CCDC92: variants seen among roughly 807,000 people sequenced by gnomAD.
The protein encoded by CCDC92 is coiled-coil domain containing 92, also known as coiled-coil domain-containing protein 92.
CCDC92 carries 12 observed loss-of-function variants against 24.9 expected under a neutral mutation model. The ratio of observed to expected loss-of-function variants is 0.48; its 90% CI spans 0.31 to 0.78. The LOEUF is 0.78. CCDC92 is among the 30% of genes least tolerant of loss of function. CCDC92 has a pLI of 0.05. For synonymous variants in CCDC92, 193 were observed against 196.3 expected (o/e 0.98, Z 0.14); for missense variants, 399 against 439.4 (o/e 0.91, Z 0.82).
intron 1 of CCDC92, among the ~76,000 whole-genome samples, chr12:123,947,051 G>GGCCGGCCCTGCCAGCCCT (rs1213072145): frequency 1.3e-5 from 2 of 152,296 alleles, no homozygotes; most frequent in East Asian, 1.9e-4. Flanking sequence ...GCAGCCAGCG[G>GGCCGGCCCTGCCAGCCCT]GCCGGCCCTG....
intron 1 of CCDC92, chr12:123,970,308 C>G (rs1171624826): frequency 1.3e-5 from 2 of 152,230 alleles, no homozygotes; most frequent in African/African-American, 4.8e-5. Context: ...AGTGGGGAAC[C>G]AGCTGATCCC....
At chr12:123,960,503 A>G (rs982152350) in intron 1 of CCDC92, among the ~76,000 whole-genome samples, 1 of 152,202 alleles carries the variant, frequency 6.6e-6, no homozygotes, top group Non-Finnish European at 1.5e-5. Context: ...AATTTATCTT[A>G]TGAGCCAAGT....
At chr12:123,964,762 T>C (rs1488756757) in intron 1 of CCDC92, among the ~76,000 whole-genome samples, 1 of 152,204 alleles carries the variant, frequency 6.6e-6, no homozygotes, top group Non-Finnish European at 1.5e-5. Context: ...TCTTTATAAA[T>C]TGCTTTTTAA....
At chr12:123,960,467 T>C (rs563550022) in intron 1 of CCDC92, among the ~76,000 whole-genome samples, 1 of 152,352 alleles carries the variant, frequency 6.6e-6, no homozygotes, top group African/African-American at 2.4e-5. Flanking sequence ...CAGTATCTTC[T>C]CTGGTGCAGC....
chr12:123,941,798 A>G (rs954788549), intron 4 of CCDC92, among the ~76,000 whole-genome samples: 4 of 152,088 alleles, frequency 2.6e-5, no homozygotes, highest in African/African-American at 9.7e-5. Context: ...CCTTTTGCCT[A>G]TTTAGGAAAG....
rs1382431831 is a variant in CCDC92 at position 123,972,778 on chromosome 12, C to T, written c.-309G>A. On this transcript the variant is annotated 5_prime_UTR_variant, in exon 1 of 5. Coordinates refer to ENST00000238156, the MANE Select transcript of CCDC92 (RefSeq NM_025140.3). Reference sequence around the variant, plus strand: ...CTGGGAGCGGGGCCGGCGGCGAGGCCTGGCCGCGCTGACCCGGCGGGCTAG... The same window carrying T: ...CTGGGAGCGGGGCCGGCGGCGAGGCTTGGCCGCGCTGACCCGGCGGGCTAG... 6.8e-6 allele frequency: 1 copy of T among 146,042 alleles called. No individual in the cohort carries two copies. The highest frequency in any genetic ancestry group is 2.5e-5 in the African/African-American group (1 of 40,390). 9.0% of individuals were successfully genotyped at this position (146,042 alleles called of 1,614,324 possible).
intron 1 of CCDC92, among the ~76,000 whole-genome samples, chr12:123,954,238 C>G (rs1956098287): frequency 6.6e-6 from 1 of 152,142 alleles, no homozygotes; most frequent in Admixed American, 6.5e-5. Context: ...GTAGTTGTTA[C>G]AAATGTAACA....
chr12:123,956,215 T>C (rs1305911579), intron 1 of CCDC92: 4 of 152,256 alleles, frequency 2.6e-5, no homozygotes, highest in Admixed American at 2.6e-4. Context: ...CATTTATTTA[T>C]TTGGAATAAC....
Position 123,944,284 on chromosome 12 carries a change from T to C in CCDC92, c.22A>G (p.Ser8Gly). Residue 8 changes from serine to glycine, a missense_variant, in exon 2 of 5, where the codon AGT becomes GGT. Physicochemically the swap from Ser to Gly is moderately conservative, Grantham distance 56. Coordinates refer to ENST00000238156, the MANE Select transcript of CCDC92 (RefSeq NM_025140.3). ...CCCCAGACTCTACCTTCATCGTAAC[T>C]CGAGAAATGTGGTGAAGTCATGGGT... MTSPHFS[S>G]YDEGPLDVSM... is the part of the protein sequence containing the mutation. The C allele has an allele frequency of 6.3e-7, 1 of 1,594,322 alleles. No homozygotes were observed. Among genetic ancestry groups the C allele is most frequent in the Non-Finnish European group, 8.5e-7 (1 of 1,170,418 alleles).
chr12:123,948,192 G>A (rs890482749), intron 1 of CCDC92, among the ~76,000 whole-genome samples: 7 of 152,186 alleles, frequency 4.6e-5, no homozygotes, highest in Non-Finnish European at 8.8e-5. Context: ...CGCCATGATG[G>A]CACAAAATGG....
At chr12:123,968,109 T>C (rs1189485773) in intron 1 of CCDC92, 1 of 152,276 alleles carries the variant, frequency 6.6e-6, no homozygotes, top group Non-Finnish European at 1.5e-5. Context: ...GCTTGCTCTA[T>C]TTGGTGCTAA....
intron 1 of CCDC92, chr12:123,962,505 A>G (rs1956293810): frequency 6.6e-6 from 1 of 152,484 alleles, no homozygotes. Context: ...TTAGCTGGAT[A>G]AGGGGCTTGG....
chr12:123,961,771 G>T (rs766423940), intron 1 of CCDC92, among the ~76,000 whole-genome samples: 1 of 152,110 alleles, frequency 6.6e-6, no homozygotes, highest in Non-Finnish European at 1.5e-5. Context: ...GCCATGCTAC[G>T]TACTTGATCA....
intron 1 of CCDC92, among the ~76,000 whole-genome samples, chr12:123,955,668 G>T (rs1956133940): frequency 6.6e-6 from 1 of 152,030 alleles, no homozygotes; most frequent in Non-Finnish European, 1.5e-5. Context: ...TGGTGGGGGG[G>T]AGACAGGGTT....
intron 4 of CCDC92, among the ~76,000 whole-genome samples, chr12:123,942,414 T>C (rs553067893): frequency 1.3e-5 from 2 of 152,354 alleles, no homozygotes; most frequent in South Asian, 2.1e-4. Context: ...ACTCCTCCTT[T>C]TGGGTTTAAC....
In CCDC92 at chr12:123,937,564, C is replaced by T. The variant is rs768819776; in HGVS notation, c.490G>A (p.Ala164Thr). The T allele has an allele frequency of 8.1e-6, 13 of 1,612,770 alleles. No individual in the cohort carries two copies. Among genetic ancestry groups the T allele is most frequent in the African/African-American group, 4.0e-5 (3 of 74,900 alleles). Residue 164 changes from alanine to threonine, a missense_variant, in exon 5 of 5, where the codon GCC (alanine) becomes ACC (threonine). Physicochemically the swap from Ala to Thr is moderately conservative, Grantham distance 58 (BLOSUM62 0). Coordinates refer to ENST00000238156, the MANE Select transcript of CCDC92 (RefSeq NM_025140.3). The surrounding 1 kb of genome is among the most constrained non-coding windows in gnomAD (Gnocchi z 8.4). ...TIAYLTSQLH[A>T]AKKKLMSSSG... ...GAGCTCATGAGCTTCTTCTTGGCGG[C>T]GTGCAGCTGGGAGGTCAGGTAGGCG... is the stretch of plus-strand genomic sequence containing the variant.
intron 1 of CCDC92, among the ~76,000 whole-genome samples, chr12:123,958,205 T>C (rs6488912): frequency 0.38 from 57,438 of 151,780 alleles, 11,754 homozygotes; most frequent in African/African-American, 0.53. Context: ...AGGCATGCAA[T>C]ACCATGCCCG....
chr12:123,965,094 C>T (rs1443771301), intron 1 of CCDC92, among the ~76,000 whole-genome samples: 1 of 152,018 alleles, frequency 6.6e-6, no homozygotes, highest in African/African-American at 2.4e-5. Context: ...GTTCTTAAAG[C>T]TCAAATTATG....
In CCDC92 at chr12:123,943,078, G is replaced by A. The variant is rs576660660; in HGVS notation, c.181+269C>T. ...GCAGCTGGCTCTATGTATCACACAG[G>A]CTATATCTTGGTTATCAGTTCCAAA... is the stretch of plus-strand genomic sequence containing the variant. On this transcript the variant is annotated intron_variant, in intron 3 of 4. Transcript: ENST00000238156. Among the ~76,000 whole-genome samples the A allele has an allele frequency of 4.6e-5, 7 of 152,290 alleles. No homozygotes were observed. In the South Asian group the frequency reaches 1.5e-3, roughly 32 times the overall value.
Sources: gnomAD v4.1 joint callset for allele counts (sites outside exome capture counted in the v4.1 genomes callset) on GRCh38, gnomAD v4.1.1 for gene constraint, Gnocchi (gnomAD v3.1) non-coding constraint, MANE v1.5 for transcripts, NCBI Gene and HGNC (gene_info 2026-07-23, HGNC 2026-07-21) for gene names.